TBC1D16: variants seen among roughly 807,000 people sequenced by gnomAD.
TBC1D16 encodes the protein TBC1 domain family member 16.
TBC1D16 carries 58 observed loss-of-function variants against 74.7 expected under a neutral mutation model. The observed-to-expected ratio is 0.78, with a 90% CI of 0.63 to 0.97. The LOEUF (loss-of-function observed/expected upper bound fraction) is 0.97. Ranked by LOEUF, TBC1D16 falls within the 50% of genes least tolerant of loss-of-function variation. The pLI, the probability that TBC1D16 is intolerant of heterozygous loss-of-function variation, is 0.00. For missense variants in TBC1D16, 1,014 were observed against 1,079.5 expected (o/e 0.94, Z 0.85); for synonymous variants, 493 against 474.7 (o/e 1.04, Z -0.50).
Position 79,950,395 on chromosome 17 carries a change from C to G in TBC1D16, c.1257+16G>C, listed in dbSNP as rs374356698. The G allele has an allele frequency of 8.2e-6, 13 of 1,590,500 alleles. No individual in the cohort carries two copies. The highest frequency in any genetic ancestry group is 4.0e-5 in the African/African-American group (3 of 74,324). On this transcript the variant is annotated intron_variant, in intron 6 of 11. Coordinates refer to ENST00000310924, the MANE Select transcript of TBC1D16 (RefSeq NM_019020.4). The surrounding 1 kb of genome is among the most constrained non-coding windows in gnomAD (Gnocchi z 4.6). ...CCGGCTCTCCGCGGGGCCAGCTGGG[C>G]GGACCCGGACCTCACCTTCCGCAGC...
intron 3 of TBC1D16, among the ~76,000 whole-genome samples, chr17:79,997,769 T>C (rs1441610102): frequency 6.6e-6 from 1 of 152,196 alleles, no homozygotes; most frequent in East Asian, 1.9e-4. Flanking sequence ...CTTGGTGTTG[T>C]ACAGTCTATG....
chr17:80,018,654 T>G (rs1414417069), intron 1 of TBC1D16, among the ~76,000 whole-genome samples: 1 of 147,598 alleles, frequency 6.8e-6, no homozygotes, highest in Non-Finnish European at 1.5e-5. Context: ...CAGGCTAGAG[T>G]GCAGTGGTGT....
At position 80,009,647 on chromosome 17, in the gene TBC1D16, C is replaced by T. The variant is rs1185994764; in HGVS notation, c.779+513G>A. 1.3e-5 allele frequency among the ~76,000 whole-genome samples: 2 copies of T among 152,186 alleles called. No homozygotes were observed. The highest frequency in any genetic ancestry group is 2.4e-5 in the African/African-American group (1 of 41,446). On this transcript the variant is annotated intron_variant, in intron 3 of 11. Coordinates refer to ENST00000310924, the MANE Select transcript of TBC1D16 (RefSeq NM_019020.4). The surrounding 1 kb of genome is among the most constrained non-coding windows in gnomAD (Gnocchi z 5.4). ...TGAGAAAGAGGGAGGCTGAAGCCTC[C>T]GGGGACCACAGGGGGCCAGGTCACG...
intron 8 of TBC1D16, 116 bp from the exon 9 acceptor site, chr17:79,947,947 G>T: frequency 1.2e-6 from 1 of 805,282 alleles, no homozygotes; most frequent in Non-Finnish European, 2.0e-6. Flanking sequence ...TCACCTCAGT[G>T]GAAGGCAGCT....
At chr17:80,011,223 T>C (rs186166944) in intron 2 of TBC1D16, among the ~76,000 whole-genome samples, 2,022 of 151,510 alleles carry the variant, frequency 0.013, 28 homozygotes, top group Middle Eastern at 0.027. Flanking sequence ...TTTTTTTTTT[T>C]TTTGGTAGAA....
intron 3 of TBC1D16, among the ~76,000 whole-genome samples, chr17:79,974,896 G>C (rs1010229761): frequency 6.6e-6 from 1 of 152,180 alleles, no homozygotes; most frequent in African/African-American, 2.4e-5. Flanking sequence ...GAGAAGCCTG[G>C]GCGCCTTGCT....
At position 79,961,172 on chromosome 17, in the gene TBC1D16, A is replaced by G. The variant is rs908045901; in HGVS notation, c.780-8354T>C. Reference sequence around the variant, plus strand: ...AAAAAGGAGCAAACTGCTGATATGCATGACGATATGGAAGCATCTCAGTTG... The same window carrying G: ...AAAAAGGAGCAAACTGCTGATATGCGTGACGATATGGAAGCATCTCAGTTG... On this transcript the variant is annotated intron_variant, in intron 3 of 11. Coordinates refer to ENST00000310924, the MANE Select transcript of TBC1D16 (RefSeq NM_019020.4). The surrounding 1 kb of genome is among the most constrained non-coding windows in gnomAD (Gnocchi z 4.8). Among the ~76,000 whole-genome samples the G allele has an allele frequency of 6.6e-6, 1 of 152,260 alleles. No homozygotes were observed. The highest frequency in any genetic ancestry group is 2.4e-5 in the African/African-American group (1 of 41,478).
intron 3 of TBC1D16, among the ~76,000 whole-genome samples, chr17:79,974,058 G>C (rs1434747924): frequency 6.6e-6 from 1 of 152,118 alleles, no homozygotes; most frequent in Non-Finnish European, 1.5e-5. Context: ...TGGTGCTGTG[G>C]GGCCATTATT....
Position 79,944,909 on chromosome 17 carries a change from T to G in TBC1D16, c.1907A>C (p.Gln636Pro). The change falls in exon 10 of 12, where the codon CAG becomes CCG. Residue 636 changes from glutamine (Q) to proline (P), a missense_variant and splice_region_variant. Gln to Pro is a moderately conservative substitution (Grantham distance 76). Transcript: ENST00000310924. This position sits in a 1 kb window ranked among gnomAD's most constrained non-coding sequence, Gnocchi z 7.7. ...AGCCCTGGCCCCTGCCCTGGTCACC[T>G]GGTAGTGGGCCCAGCAGGCCTCCCA... ...RIWEACWAHYQTDYFHLFICV... is the reference protein window; with the variant it reads ...RIWEACWAHYPTDYFHLFICV... 1 of 1,549,608 alleles carries G rather than the reference T, an allele frequency of 6.5e-7. No individual in the cohort carries two copies. The highest frequency in any genetic ancestry group is 8.7e-7 in the Non-Finnish European group (1 of 1,146,768).
chr17:79,960,809 A>AAAAAAAAAAAAAAAAT (rs2033576160), intron 3 of TBC1D16, among the ~76,000 whole-genome samples: 2 of 136,146 alleles, frequency 1.5e-5, no homozygotes, highest in Non-Finnish European at 3.2e-5. Flanking sequence ...AAAAAAAAAA[A>AAAAAAAAAAAAAAAAT]CGAAGGAATG....
At chr17:79,957,879 A>T (rs2033410875) in intron 3 of TBC1D16, among the ~76,000 whole-genome samples, 1 of 152,066 alleles carries the variant, frequency 6.6e-6, no homozygotes, top group Admixed American at 6.6e-5. Flanking sequence ...CCAACAAAAC[A>T]AATGAATAGC....
chr17:79,996,916 G>A (rs548151533), intron 3 of TBC1D16, among the ~76,000 whole-genome samples: 17 of 152,262 alleles, frequency 1.1e-4, no homozygotes, highest in Admixed American at 8.5e-4. Context: ...CCATCAGTCC[G>A]TGAGCGCGTG....
Position 79,985,888 on chromosome 17 carries a change from A to C in TBC1D16, c.779+24272T>G, listed in dbSNP as rs1391960151. Among the ~76,000 whole-genome samples, 1 of 152,206 alleles carries C rather than the reference A, an allele frequency of 6.6e-6. No homozygotes were observed. Among genetic ancestry groups the C allele is most frequent in the African/African-American group, 2.4e-5 (1 of 41,454 alleles). On this transcript the variant is annotated intron_variant, in intron 3 of 11. Transcript: ENST00000310924. The surrounding 1 kb of genome is among the most constrained non-coding windows in gnomAD (Gnocchi z 4.9). ...TGTGGAGGTCAAAGGGGACCAAATC[A>C]GGGGCCCTCTGCTACTACCAAACTC...
intron 3 of TBC1D16, among the ~76,000 whole-genome samples, chr17:79,962,599 C>T (rs1198920461): frequency 6.6e-6 from 1 of 152,104 alleles, no homozygotes; most frequent in African/African-American, 2.4e-5. Flanking sequence ...ATTTCCAGAA[C>T]TCTTTTCATC....
At position 79,937,071 on chromosome 17, in the gene TBC1D16, G is replaced by A. The variant is rs2031663375; in HGVS notation, c.*3788C>T. 1 of 151,580 alleles carries A rather than the reference G, an allele frequency of 6.6e-6. No homozygotes were observed. Among genetic ancestry groups the A allele is most frequent in the African/African-American group, 2.4e-5 (1 of 41,264 alleles). The allele number at this position is 151,580 out of a possible 1,614,324, so 9.4% of individuals were successfully genotyped here. On this transcript the variant is annotated 3_prime_UTR_variant, in exon 12 of 12. Coordinates refer to ENST00000310924, the MANE Select transcript of TBC1D16 (RefSeq NM_019020.4). Reference sequence around the variant, plus strand: ...AAAGGGTGGAGCCTTGGCACCCCCAGCAACCCCCTCCAAGGGTGGAGCCTT... The same window carrying A: ...AAAGGGTGGAGCCTTGGCACCCCCAACAACCCCCTCCAAGGGTGGAGCCTT...
At chr17:80,034,166 T>C (rs2036864079) in intron 1 of TBC1D16, among the ~76,000 whole-genome samples, 1 of 151,992 alleles carries the variant, frequency 6.6e-6, no homozygotes, top group South Asian at 2.1e-4. Context: ...TGCTAGAGGA[T>C]TAAATAATTC....
rs1304868237 is a variant in TBC1D16, at chr17:79,987,250, C to CT, written c.779+22909dup. ...ATTTCTTTAAGGAATTTTTTTTTTA[C>CT]TTTTTTTTCAGACTGGGTCTTGCTC... is the stretch of plus-strand genomic sequence containing the variant. On this transcript the variant is annotated intron_variant, in intron 3 of 11. Transcript: ENST00000310924. The surrounding 1 kb of genome is among the most constrained non-coding windows in gnomAD (Gnocchi z 5.2). 4.0e-5 allele frequency among the ~76,000 whole-genome samples: 6 copies of CT among 151,300 alleles called. No individual in the cohort carries two copies. Among genetic ancestry groups the CT allele is most frequent in the Non-Finnish European group, 7.4e-5 (5 of 67,778 alleles).
rs2033009823 is a variant in TBC1D16 at position 79,950,990 on chromosome 17, A to C, written c.1090-412T>G. ...AGATTGCCTCCGCGAGCAGTCACGA[A>C]TCCAGGGCAAAACTGCAGCTGACAT... On this transcript the variant is annotated intron_variant, in intron 5 of 11. Transcript: ENST00000310924. This position sits in a 1 kb window ranked among gnomAD's most constrained non-coding sequence, Gnocchi z 4.6. 1.1e-5 allele frequency: 8 copies of C among 720,358 alleles called. No homozygotes were observed. 44.6% of individuals were successfully genotyped at this position (720,358 alleles called of 1,614,324 possible). A position where few individuals can be genotyped will look rare whatever the true frequency, so the allele number is the denominator to read the frequency against.
rs937762761 is a variant in TBC1D16, at chr17:79,940,488, C to G, written c.*371G>C. 6.1e-5 allele frequency: 11 copies of G among 180,926 alleles called. No homozygotes were observed. The highest frequency in any genetic ancestry group is 8.1e-5 in the Non-Finnish European group (7 of 86,934). The allele number at this position is 180,926 out of a possible 1,614,324, so 11.2% of individuals were successfully genotyped here. On this transcript the variant is annotated 3_prime_UTR_variant, in exon 12 of 12. Transcript: ENST00000310924. This position sits in a 1 kb window ranked among gnomAD's most constrained non-coding sequence, Gnocchi z 5.4. ...TGAGTGAGGCCTTCCTCTCCTGTCT[C>G]TGCTTTCCTCATTGCCTGGCGACGC... is the stretch of plus-strand genomic sequence containing the variant.
Sources: allele counts gnomAD v4.1 joint callset (sites outside exome capture counted in the v4.1 genomes callset), GRCh38; gene constraint gnomAD v4.1.1; non-coding constraint Gnocchi (gnomAD v3.1); transcripts MANE v1.5; gene names NCBI Gene and HGNC (gene_info 2026-07-23, HGNC 2026-07-21).